ANO1: variants seen among roughly 807,000 people sequenced by gnomAD.
The protein encoded by ANO1 is anoctamin-1.
In ANO1, 59 loss-of-function variants were observed where a neutral mutation model predicts 124.0. That is an observed-to-expected ratio of 0.48 (90% confidence interval 0.39 to 0.59). ANO1 has a LOEUF of 0.59. Among genes scored for constraint, ANO1 ranks in the 20% least tolerant of loss-of-function variants. The probability of loss-of-function intolerance (pLI) is 0.00; values close to 1 mark genes in which losing one functional copy is unlikely to be tolerated. For synonymous variants in ANO1, 529 were observed against 532.0 expected, an observed-to-expected ratio of 0.99 and a Z score of 0.08; for missense variants, 1,059 against 1,328.0, an observed-to-expected ratio of 0.80 and a Z score of 3.15.
intron 22 of ANO1, among the ~76,000 whole-genome samples, chr11:70,179,303 G>A (rs759508970): frequency 2.6e-5 from 4 of 152,214 alleles, no homozygotes; most frequent in South Asian, 2.1e-4. Context: ...GGGTCAGCCC[G>A]GGACACTGGA....
chr11:70,176,373 C>G (rs2048697832), intron 22 of ANO1, among the ~76,000 whole-genome samples: 1 of 152,142 alleles, frequency 6.6e-6, no homozygotes, highest in Non-Finnish European at 1.5e-5. Context: ...TCTCCAACTT[C>G]TGACCTCAGG....
chr11:70,001,772 GAT>G (rs1491148261), intron 1 of ANO1, among the ~76,000 whole-genome samples: 1 of 107,606 alleles, frequency 9.3e-6, no homozygotes, highest in African/African-American at 3.0e-5. Flanking sequence ...ACTTCAATAA[GAT>G]GTGTGTGTGT....
At chr11:70,175,349 C>G (rs1400289764) in intron 22 of ANO1, among the ~76,000 whole-genome samples, 2 of 152,274 alleles carry the variant, frequency 1.3e-5, no homozygotes, top group Non-Finnish European at 2.9e-5. Context: ...GGTTCCTTAA[C>G]CGTAACCTTT....
intron 22 of ANO1, among the ~76,000 whole-genome samples, chr11:70,179,290 C>T (rs1006349467): frequency 2.0e-5 from 3 of 152,150 alleles, no homozygotes; most frequent in Non-Finnish European, 2.9e-5. Flanking sequence ...TAGGGTGAGG[C>T]GGGGGTCAGC....
At chr11:70,125,992 C>A in intron 9 of ANO1, 69 bp from the exon 10 acceptor site, 1 of 1,514,644 alleles carries the variant, frequency 6.6e-7, no homozygotes, top group South Asian at 1.4e-5. Context: ...CTGGGGAGGG[C>A]CTGTGACATG....
At chr11:70,117,100 CTTTTTTTTTTT>C (rs756764991) in intron 8 of ANO1, among the ~76,000 whole-genome samples, 1 of 61,552 alleles carries the variant, frequency 1.6e-5, no homozygotes, top group African/African-American at 6.3e-5. Context: ...TTGTTTCTTT[CTTTTTTTTTTT>C]TTTTTTTTTT....
At chr11:70,100,951 TG>T (rs2045243782) in intron 2 of ANO1, among the ~76,000 whole-genome samples, 1 of 152,056 alleles carries the variant, frequency 6.6e-6, no homozygotes, top group Admixed American at 6.5e-5. Flanking sequence ...GCGGTGGTGC[TG>T]GGGAGAGGAT....
chr11:70,097,628 G>A (rs988523700), intron 2 of ANO1, among the ~76,000 whole-genome samples: 2 of 152,216 alleles, frequency 1.3e-5, no homozygotes, highest in South Asian at 2.1e-4. Flanking sequence ...GGGACAAGGG[G>A]CTCTGGGCCT....
At chr11:70,137,900 T>C (rs2047008401) in intron 11 of ANO1, among the ~76,000 whole-genome samples, 1 of 147,860 alleles carries the variant, frequency 6.8e-6, no homozygotes, top group South Asian at 2.3e-4. Flanking sequence ...TGGTGCCAGT[T>C]GCTACGTTGC....
chr11:69,974,493 G>C, the ANO1 span, among the ~76,000 whole-genome samples: 1 of 152,210 alleles, frequency 6.6e-6, no homozygotes, highest in African/African-American at 2.4e-5. Context: ...GGCACAGAAA[G>C]GAAAGGGCGT....
At chr11:70,152,302 T>C (rs1271502173) in intron 12 of ANO1, 148 bp from the exon 13 acceptor site, 3 of 709,396 alleles carry the variant, frequency 4.2e-6, no homozygotes. Context: ...GCCATTGCAC[T>C]CCAGCCTGCT....
upstream of ANO1, among the ~76,000 whole-genome samples, chr11:70,076,824 T>C (rs189533677): frequency 1.3e-3 from 205 of 152,344 alleles, 1 homozygote; most frequent in African/African-American, 4.7e-3. Flanking sequence ...GACTTGTGCC[T>C]AAATGGGAGA....
upstream of ANO1, among the ~76,000 whole-genome samples, chr11:69,981,253 T>C (rs1477097050): frequency 5.3e-5 from 8 of 152,184 alleles, no homozygotes; most frequent in African/African-American, 1.9e-4. Context: ...GCTGCTTATG[T>C]GCAAGCCCCA....
At chr11:70,115,069 G>C (rs1332000448) in intron 7 of ANO1, among the ~76,000 whole-genome samples, 1 of 152,112 alleles carries the variant, frequency 6.6e-6, no homozygotes, top group African/African-American at 2.4e-5. Context: ...AAAGAAACTG[G>C]GAAACACTAA....
chr11:69,992,368 C>G (rs1468503691), intron 1 of ANO1, among the ~76,000 whole-genome samples: 1 of 152,186 alleles, frequency 6.6e-6, no homozygotes, highest in African/African-American at 2.4e-5. Context: ...AAGCCCTTTA[C>G]TCATGTCATT....
chr11:69,977,742 C>G, the ANO1 span, among the ~76,000 whole-genome samples: 2 of 152,238 alleles, frequency 1.3e-5, no homozygotes, highest in Admixed American at 1.3e-4. Flanking sequence ...CCCCAGATGA[C>G]TGCAGCCCCG....
the ANO1 span, among the ~76,000 whole-genome samples, chr11:69,967,306 C>T: frequency 1.2e-4 from 19 of 152,334 alleles, no homozygotes; most frequent in African/African-American, 4.3e-4. Context: ...GCCTGTATCG[C>T]ACATTAGCTA....
At chr11:70,069,965 T>C (rs2135135520) in intron 1 of ANO1, among the ~76,000 whole-genome samples, 1 of 152,358 alleles carries the variant, frequency 6.6e-6, no homozygotes, top group East Asian at 1.9e-4. Flanking sequence ...ACTAACCCTA[T>C]ATGACACGGA....
intron 6 of ANO1, among the ~76,000 whole-genome samples, chr11:70,110,559 C>T (rs2509184): frequency 0.98 from 149,217 of 152,222 alleles, 73,208 homozygotes; most frequent in East Asian, 1. Context: ...CTGGTTTTGA[C>T]TTCTAAGCAT....
Sources: gnomAD v4.1 joint callset for allele counts (sites outside exome capture counted in the v4.1 genomes callset) on GRCh38, gnomAD v4.1.1 for gene constraint, MANE v1.5 for transcripts, NCBI Gene and HGNC (gene_info 2026-07-23, HGNC 2026-07-21) for gene names.